Variants in PRKN observed in about 807,000 individuals in gnomAD.
The protein encoded by PRKN is E3 ubiquitin-protein ligase parkin.
PRKN carries 56 observed loss-of-function variants against 59.5 expected under a neutral mutation model. The observed-to-expected ratio is 0.94, with a 90% CI of 0.76 to 1.18. The LOEUF (loss-of-function observed/expected upper bound fraction) is 1.18, where lower values mean the gene tolerates loss of function less well. PRKN is among the 50% of genes most tolerant of loss of function. PRKN has a pLI of 0.00. For synonymous variants in PRKN, 250 were observed against 222.1 expected (o/e 1.13, Z -1.12); for missense variants, 657 against 596.4 (o/e 1.10, Z -1.06).
rs938997642 is a variant in PRKN, at chr6:161,355,236, C to T, written c.1285+4852G>A. 1.8e-4 allele frequency among the ~76,000 whole-genome samples: 28 copies of T among 152,366 alleles called. No homozygotes were observed. Among genetic ancestry groups the T allele is most frequent in the African/African-American group, 6.7e-4 (28 of 41,594 alleles). The stretch of plus-strand genomic sequence containing the variant: ...TCCTCCTGCTCTTCCTTGCCTTGCT[C>T]ATATCTGCTCATTCTTCAATTCTTG... On this transcript the variant is annotated intron_variant, in intron 11 of 11. Coordinates refer to ENST00000366898, the MANE Select transcript of PRKN (RefSeq NM_004562.3). The surrounding 1 kb of genome is among the most constrained non-coding windows in gnomAD (Gnocchi z 6.8).
At chr6:162,011,012 T>TATATATTATAATATGTA (rs1782607019) in intron 5 of PRKN, among the ~76,000 whole-genome samples, 1 of 16,696 alleles carries the variant, frequency 6.0e-5, no homozygotes, top group Non-Finnish European at 8.0e-5. Context: ...ATATTTATAA[T>TATATATTATAATATGTA]ATATATTATA....
At chr6:161,988,058 T>C (rs920339545) in intron 5 of PRKN, among the ~76,000 whole-genome samples, 2 of 152,158 alleles carry the variant, frequency 1.3e-5, no homozygotes, top group African/African-American at 4.8e-5. Flanking sequence ...ACAGTTTGTG[T>C]GTGAGGGCAA....
chr6:161,962,585 G>T (rs1780423084), intron 6 of PRKN, among the ~76,000 whole-genome samples: 1 of 148,472 alleles, frequency 6.7e-6, no homozygotes, highest in Non-Finnish European at 1.5e-5. Context: ...CTGTCATCCA[G>T]GCTGGCAGTG....
chr6:162,198,038 C>T (rs1337664224), intron 4 of PRKN, among the ~76,000 whole-genome samples: 1 of 152,078 alleles, frequency 6.6e-6, no homozygotes, highest in Non-Finnish European at 1.5e-5. Flanking sequence ...ATGATACCTG[C>T]AATACTGGAG....
intron 2 of PRKN, among the ~76,000 whole-genome samples, chr6:162,308,909 TTATTCAACTAAGA>T: frequency 6.6e-6 from 1 of 152,184 alleles, no homozygotes; most frequent in Non-Finnish European, 1.5e-5. Flanking sequence ...CCTAGCATAG[TTATTCAACTAAGA>T]TATTTTAATG....
At chr6:162,138,201 G>C (rs193007052) in intron 4 of PRKN, among the ~76,000 whole-genome samples, 2 of 152,164 alleles carry the variant, frequency 1.3e-5, no homozygotes, top group East Asian at 3.9e-4. Context: ...ACATGCATGG[G>C]GTTAACAATT....
intron 6 of PRKN, among the ~76,000 whole-genome samples, chr6:161,914,770 T>G (rs1045839749): frequency 6.6e-6 from 1 of 151,806 alleles, no homozygotes; most frequent in Non-Finnish European, 1.5e-5. Flanking sequence ...GCACATCCCC[T>G]GAACTGGCAA....
intron 8 of PRKN, among the ~76,000 whole-genome samples, chr6:161,565,283 C>G (rs1780598368): frequency 6.6e-6 from 1 of 151,970 alleles, no homozygotes; most frequent in Non-Finnish European, 1.5e-5. Flanking sequence ...AGAAAAACAC[C>G]CAGTGGATTG....
chr6:162,179,978 G>C (rs1360824365), intron 4 of PRKN, among the ~76,000 whole-genome samples: 5 of 142,510 alleles, frequency 3.5e-5, no homozygotes, highest in South Asian at 2.3e-4. Flanking sequence ...CTGTGTGTGT[G>C]TGTGTGTGTG....
At chr6:162,463,701 G>A (rs1427025021) in intron 1 of PRKN, among the ~76,000 whole-genome samples, 1 of 152,096 alleles carries the variant, frequency 6.6e-6, no homozygotes, top group Non-Finnish European at 1.5e-5. Flanking sequence ...TCATGTCTTG[G>A]GGCCAATGTT....
chr6:161,990,997 A>T (rs1393457952), intron 5 of PRKN, among the ~76,000 whole-genome samples: 1 of 152,234 alleles, frequency 6.6e-6, no homozygotes, highest in African/African-American at 2.4e-5. Context: ...TTCTAAAAAC[A>T]GTAAGAGAAA....
chr6:161,879,856 G>C (rs1329446509), intron 6 of PRKN, among the ~76,000 whole-genome samples: 1 of 152,048 alleles, frequency 6.6e-6, no homozygotes, highest in Non-Finnish European at 1.5e-5. Flanking sequence ...GTATTTTAAA[G>C]CTTTTCTTTT....
At chr6:161,636,681 G>A (rs1670292973) in intron 7 of PRKN, among the ~76,000 whole-genome samples, 1 of 152,126 alleles carries the variant, frequency 6.6e-6, no homozygotes, top group African/African-American at 2.4e-5. Context: ...ATCGCTTGAG[G>A]CAGGAGTTCA....
At chr6:162,390,375 G>GTATATA (rs369827763) in intron 2 of PRKN, among the ~76,000 whole-genome samples, 1,246 of 98,730 alleles carry the variant, frequency 0.013, 52 homozygotes, top group African/African-American at 0.051. Context: ...TACTGCTAAG[G>GTATATA]TATATATATA....
chr6:162,504,460 C>T (rs12524235), intron 1 of PRKN, among the ~76,000 whole-genome samples: 42,689 of 152,004 alleles, frequency 0.28, 6,851 homozygotes, highest in Middle Eastern at 0.37. Flanking sequence ...CAGTGACATA[C>T]TGGCATAGGG....
At chr6:162,707,539 T>C (rs1311107487) in intron 1 of PRKN, among the ~76,000 whole-genome samples, 1 of 151,834 alleles carries the variant, frequency 6.6e-6, no homozygotes, top group Non-Finnish European at 1.5e-5. Context: ...TTCACAAATA[T>C]TCTATTTCAT....
At chr6:161,664,852 G>A (rs933165046) in intron 7 of PRKN, among the ~76,000 whole-genome samples, 18 of 150,288 alleles carry the variant, frequency 1.2e-4, no homozygotes, top group African/African-American at 2.4e-4. Flanking sequence ...GTAGTGGTGC[G>A]ATCTCAGCTC....
intron 2 of PRKN, among the ~76,000 whole-genome samples, chr6:162,304,696 C>G (rs980155982): frequency 1.3e-5 from 2 of 150,814 alleles, no homozygotes; most frequent in Non-Finnish European, 3.0e-5. Flanking sequence ...GGGGAAAAGA[C>G]AGACTTAAGG....
rs566101672 is a variant in PRKN, at chr6:162,036,197, G to A, written c.618+17894C>T. On this transcript the variant is annotated intron_variant, in intron 5 of 11. Coordinates refer to ENST00000366898, the MANE Select transcript of PRKN (RefSeq NM_004562.3). ...AAATTAGCCGGGCGTGGTGGCGGGC[G>A]CCTGTAGTCCCAGCTACTCGGGAGG... Among the ~76,000 whole-genome samples, 629 of 151,558 alleles carry A rather than the reference G, an allele frequency of 4.2e-3. 2 individuals carry two copies. The highest frequency in any genetic ancestry group is 6.6e-3 in the Non-Finnish European group (447 of 67,854).
Sources: allele counts gnomAD v4.1 joint callset (sites outside exome capture counted in the v4.1 genomes callset), GRCh38; gene constraint gnomAD v4.1.1; non-coding constraint Gnocchi (gnomAD v3.1); transcripts MANE v1.5; gene names NCBI Gene and HGNC (gene_info 2026-07-23, HGNC 2026-07-21).